The following CLNK variants were observed in gnomAD, a reference collection of about 807,000 sequenced individuals.
The protein encoded by CLNK is cytokine dependent hematopoietic cell linker, also known as cytokine-dependent hematopoietic cell linker.
A neutral mutation model predicts 68.6 loss-of-function variants in CLNK; 74 were observed. That is an observed-to-expected ratio of 1.08 (90% confidence interval 0.89 to 1.31). The LOEUF (loss-of-function observed/expected upper bound fraction) is 1.31. Ranked by LOEUF, CLNK falls within the 50% of genes most tolerant of loss-of-function variation. The probability of loss-of-function intolerance (pLI) is 0.00; values close to 1 mark genes in which losing one functional copy is unlikely to be tolerated. For synonymous variants in CLNK, 198 were observed against 172.2 expected (o/e 1.15, Z -1.17); for missense variants, 553 against 515.3 (o/e 1.07, Z -0.71).
At chr4:10,686,334 G>T (rs1001224544), upstream of CLNK, among the ~76,000 whole-genome samples, 2 of 152,068 alleles carry the variant, frequency 1.3e-5, no homozygotes, top group Non-Finnish European at 2.9e-5. Context: ...CCAAGGTAGT[G>T]GGGGGTTAGG....
At chr4:10,542,931 T>A (rs1560209320) in intron 8 of CLNK, among the ~76,000 whole-genome samples, 1 of 152,128 alleles carries the variant, frequency 6.6e-6, no homozygotes, top group Non-Finnish European at 1.5e-5. Flanking sequence ...CTCTAGGTAG[T>A]TCTATTTCCA....
intron 1 of CLNK, among the ~76,000 whole-genome samples, chr4:10,672,001 G>A (rs28408312): frequency 0.8 from 121,429 of 152,088 alleles, 49,119 homozygotes; most frequent in Non-Finnish European, 0.86. Context: ...TACTTAGGTC[G>A]TAAGTCAAAT....
At chr4:10,503,839 G>A (rs1259656293) in intron 17 of CLNK, among the ~76,000 whole-genome samples, 1 of 140,242 alleles carries the variant, frequency 7.1e-6, no homozygotes, top group Non-Finnish European at 1.5e-5. Context: ...CTGGAATGCA[G>A]TGGCACAATC....
chr4:10,624,463 T>G (rs888459748), intron 2 of CLNK, among the ~76,000 whole-genome samples: 1 of 152,138 alleles, frequency 6.6e-6, no homozygotes, highest in Admixed American at 6.5e-5. Context: ...CGGCTAATTT[T>G]TTGTATTTTT....
At chr4:10,663,320 G>A (rs1052001846) in intron 2 of CLNK, among the ~76,000 whole-genome samples, 13 of 152,160 alleles carry the variant, frequency 8.5e-5, no homozygotes, top group African/African-American at 1.9e-4. Flanking sequence ...GCTAATTTCC[G>A]AAGCAATTTA....
At chr4:10,580,343 T>C (rs1349391873) in intron 4 of CLNK, among the ~76,000 whole-genome samples, 1 of 152,246 alleles carries the variant, frequency 6.6e-6, no homozygotes, top group Non-Finnish European at 1.5e-5. Context: ...ACTATAACAC[T>C]GGTTTGAGTG....
At chr4:10,583,660 G>A (rs1430231014) in intron 4 of CLNK, among the ~76,000 whole-genome samples, 3 of 152,100 alleles carry the variant, frequency 2.0e-5, no homozygotes, top group African/African-American at 4.8e-5. Context: ...GTGTAGGTTC[G>A]AGTGTGTATG....
At chr4:10,527,775 C>G (rs1181982242) in intron 13 of CLNK, among the ~76,000 whole-genome samples, 1 of 152,130 alleles carries the variant, frequency 6.6e-6, no homozygotes, top group Non-Finnish European at 1.5e-5. Flanking sequence ...GAGCAGGGGA[C>G]TAGTTATGTC....
At chr4:10,701,274 C>G in the CLNK span, among the ~76,000 whole-genome samples, 1 of 152,344 alleles carries the variant, frequency 6.6e-6, no homozygotes, top group East Asian at 1.9e-4. Flanking sequence ...AAAATGAAAT[C>G]TCCCGCTTAA....
chr4:10,518,993 A>C (rs1717952394), intron 15 of CLNK, among the ~76,000 whole-genome samples: 1 of 152,198 alleles, frequency 6.6e-6, no homozygotes, highest in Non-Finnish European at 1.5e-5. Flanking sequence ...AGGGGTGCTT[A>C]AGCACTGGTT....
At position 10,488,237 on chromosome 4, in the gene CLNK, C is replaced by T. The variant is rs1369014886; in HGVS notation, c.*2230G>A. On this transcript the variant is annotated 3_prime_UTR_variant, in exon 19 of 19. Transcript: ENST00000226951. ...ATAAAATATTATTTCAAACGTACAC[C>T]TTATCAAATGCTAACCCCCACTTGA... 6.6e-6 allele frequency: 1 copy of T among 152,086 alleles called. No individual in the cohort carries two copies. The highest frequency in any genetic ancestry group is 1.5e-5 in the Non-Finnish European group (1 of 68,032). 9.4% of individuals were successfully genotyped at this position (152,086 alleles called of 1,614,324 possible). A position where few individuals can be genotyped will look rare whatever the true frequency, so the allele number is the denominator to read the frequency against.
rs1428972243 is a variant in CLNK, at chr4:10,508,018, A to G, written c.925T>C (p.Trp309Arg). 2 of 1,611,104 alleles carry G rather than the reference A, an allele frequency of 1.2e-6. No homozygotes were observed. Among genetic ancestry groups the G allele is most frequent in the Non-Finnish European group, 1.7e-6 (2 of 1,178,654 alleles). ...TGGCGGCTGTATTCTCCAATGTACC[A>G]TTCATTGTGCTGGACATCCTGCAGA... is the stretch of plus-strand genomic sequence containing the variant. ...SDRKDVQHNE[W>R]YIGEYSRQAV... The change falls in exon 17 of 19, where the codon TGG becomes CGG. Residue 309 changes from tryptophan to arginine, a missense_variant. By Grantham distance (101) the Trp-to-Arg change is moderately radical. Coordinates refer to ENST00000226951, the MANE Select transcript of CLNK (RefSeq NM_052964.4).
chr4:10,610,332 C>G (rs1721963517), intron 2 of CLNK, among the ~76,000 whole-genome samples: 1 of 150,324 alleles, frequency 6.7e-6, no homozygotes, highest in Non-Finnish European at 1.5e-5. Flanking sequence ...GCGTGAGCCA[C>G]CGCGCCCGGC....
the CLNK span, among the ~76,000 whole-genome samples, chr4:10,704,557 C>G: frequency 6.6e-6 from 1 of 152,146 alleles, no homozygotes; most frequent in Admixed American, 6.5e-5. Context: ...CTTGGATCAA[C>G]CATATGCTGC....
At chr4:10,518,312 G>T (rs1415202828) in intron 15 of CLNK, among the ~76,000 whole-genome samples, 1 of 152,176 alleles carries the variant, frequency 6.6e-6, no homozygotes, top group Non-Finnish European at 1.5e-5. Flanking sequence ...TAGCTGTTGA[G>T]TGTTGCTAAT....
At chr4:10,687,203 TG>T (rs1725301871), upstream of CLNK, among the ~76,000 whole-genome samples, 4 of 114,764 alleles carry the variant, frequency 3.5e-5, no homozygotes, top group South Asian at 1.1e-3. Context: ...GATATAGAGG[TG>T]AAAAAAAAAA....
intron 4 of CLNK, among the ~76,000 whole-genome samples, chr4:10,582,015 G>T (rs1042062189): frequency 5.3e-5 from 8 of 152,224 alleles, no homozygotes; most frequent in African/African-American, 1.9e-4. Context: ...CCTAACATGG[G>T]CTAGAAAATA....
rs1184745827 is a variant in CLNK, at chr4:10,679,313, ATGTAGAAAGC to A, written c.-43+5345_-43+5354del. Reference sequence around the variant, plus strand: ...GGTGCTGGGAAAACTGGCTAGCCATATGTAGAAAGCTGAAACTGGATCCCTTCCTTACACC... The same window carrying A: ...GGTGCTGGGAAAACTGGCTAGCCATATGAAACTGGATCCCTTCCTTACACC... On this transcript the variant is annotated intron_variant, in intron 1 of 18. Coordinates refer to ENST00000226951, the MANE Select transcript of CLNK (RefSeq NM_052964.4). Among the ~76,000 whole-genome samples the A allele has an allele frequency of 4.6e-5, 7 of 152,248 alleles. No individual in the cohort carries two copies. In the East Asian group the frequency reaches 1.3e-3, roughly 29 times the overall value.
chr4:10,698,842 C>A, the CLNK span, among the ~76,000 whole-genome samples: 2 of 152,242 alleles, frequency 1.3e-5, no homozygotes, highest in Middle Eastern at 3.4e-3. Context: ...AAGCAGATTG[C>A]TCTCCCTGCT....
Sources: gnomAD v4.1 joint callset for allele counts (sites outside exome capture counted in the v4.1 genomes callset) on GRCh38, gnomAD v4.1.1 for gene constraint, MANE v1.5 for transcripts, NCBI Gene and HGNC (gene_info 2026-07-23, HGNC 2026-07-21) for gene names.